PLXNA1: variants seen among roughly 807,000 people sequenced by gnomAD.
PLXNA1 encodes the protein plexin A1, also known as plexin-A1.
A neutral mutation model predicts 191.7 loss-of-function variants in PLXNA1; 77 were observed. The observed-to-expected ratio is 0.40, with a 90% CI of 0.33 to 0.49. The LOEUF (loss-of-function observed/expected upper bound fraction) is 0.49, where lower values mean the gene tolerates loss of function less well. PLXNA1 is among the 20% of genes least tolerant of loss of function. The pLI, the probability that PLXNA1 is intolerant of heterozygous loss-of-function variation, is 0.63. For missense variants in PLXNA1, 2,110 were observed against 2,660.2 expected, an observed-to-expected ratio of 0.79 and a Z score of 4.55; for synonymous variants, 1,137 against 1,156.4, an observed-to-expected ratio of 0.98 and a Z score of 0.34.
Position 127,034,237 on chromosome 3 carries a change from T to C in PLXNA1, c.*220T>C. Reference sequence around the variant, plus strand: ...CACCACAGCTGCGCACACAGCTGCTTGCTCAGGGGCCGGGACAGCACTGGG... The same window carrying C: ...CACCACAGCTGCGCACACAGCTGCTCGCTCAGGGGCCGGGACAGCACTGGG... On this transcript the variant is annotated 3_prime_UTR_variant, in exon 32 of 32. Coordinates refer to ENST00000393409, the MANE Select transcript of PLXNA1 (RefSeq NM_032242.4). The C allele has an allele frequency of 2.0e-6, 1 of 502,934 alleles. No individual in the cohort carries two copies. The highest frequency in any genetic ancestry group is 3.6e-6 in the Non-Finnish European group (1 of 280,956). 31.2% of individuals were successfully genotyped at this position (502,934 alleles called of 1,614,324 possible).
chr3:126,994,043 T>C (rs1166675281), intron 3 of PLXNA1, among the ~76,000 whole-genome samples: 3 of 152,196 alleles, frequency 2.0e-5, no homozygotes, highest in Admixed American at 6.5e-5. Flanking sequence ...GGCATGCTCG[T>C]GTGGCCTGGG....
chr3:127,003,829 T>C (rs2079052833), intron 4 of PLXNA1, among the ~76,000 whole-genome samples: 1 of 152,242 alleles, frequency 6.6e-6, no homozygotes, highest in Non-Finnish European at 1.5e-5. Flanking sequence ...GGGTGTGTAC[T>C]GGGCCACTGA....
intron 3 of PLXNA1, 116 bp from the exon 4 acceptor site, chr3:127,003,214 T>C: frequency 8.4e-7 from 1 of 1,185,942 alleles, no homozygotes; most frequent in Non-Finnish European, 1.1e-6. Flanking sequence ...TCCTCTCTGC[T>C]CATGCATGTC....
rs2079099056 is a variant in PLXNA1 at position 127,012,141 on chromosome 3, C to T, written c.2296C>T (p.Gln766Ter). 6.2e-7 allele frequency: 1 copy of T among 1,612,188 alleles called. No individual in the cohort carries two copies. The highest frequency in any genetic ancestry group is 8.5e-7 in the Non-Finnish European group (1 of 1,179,776). ...TALRFNSSSL[Q>*]CQNSSYSYEG... Reference sequence around the variant, plus strand: ...CCTGCGCTTCAACAGCTCCAGCCTGCAGTGCCAGAATTCCTCGGTGAGGTG... The same window carrying T: ...CCTGCGCTTCAACAGCTCCAGCCTGTAGTGCCAGAATTCCTCGGTGAGGTG... Residue 766 changes from glutamine (Q) to a stop codon, truncating the protein, a stop_gained, in exon 10 of 32, where the codon CAG (glutamine) becomes TAG (stop). Coordinates refer to ENST00000393409, the MANE Select transcript of PLXNA1 (RefSeq NM_032242.4). LOFTEE classifies it high-confidence loss of function.
At chr3:127,003,185 T>G in intron 3 of PLXNA1, 145 bp from the exon 4 acceptor site, 1 of 832,498 alleles carries the variant, frequency 1.2e-6, no homozygotes, top group South Asian at 2.9e-5. Context: ...ATGTGGAGAG[T>G]GAGTATGGCT....
rs1184372509 is a variant in PLXNA1 at position 126,991,580 on chromosome 3, G to C, written c.1377+14G>C. 1 of 1,547,442 alleles carries C rather than the reference G, an allele frequency of 6.5e-7. No individual in the cohort carries two copies. Among genetic ancestry groups the C allele is most frequent in the African/African-American group, 1.4e-5 (1 of 73,558 alleles). On this transcript the variant is annotated intron_variant, in intron 3 of 31. Coordinates refer to ENST00000393409, the MANE Select transcript of PLXNA1 (RefSeq NM_032242.4). ...CGCATCCGCAAGGTCAGGCCTGGGT[G>C]GGGTGGGGTGAGGAGGGGGCTTGGG...
intron 28 of PLXNA1, 45 bp from the exon 29 acceptor site, chr3:127,030,198 C>G (rs2079201493): frequency 6.2e-7 from 1 of 1,600,678 alleles, no homozygotes; most frequent in Non-Finnish European, 8.5e-7. Context: ...GTGTAGGCAG[C>G]CAGGCAGCGC....
In PLXNA1 at chr3:127,019,854, C is replaced by T. The variant is rs553944791; in HGVS notation, c.3896-348C>T. Among the ~76,000 whole-genome samples, 13 of 152,264 alleles carry T rather than the reference C, an allele frequency of 8.5e-5. 1 individual carries two copies. The South Asian group carries it at 2.5e-3, about 29-fold the overall frequency. ...GCAGCCCTGGGACCTCACCCCTGGC[C>T]GCACTCCACCACCTCACAGCGGGTG... On this transcript the variant is annotated intron_variant, in intron 20 of 31. Transcript: ENST00000393409.
At chr3:126,989,933 G>T in intron 2 of PLXNA1, 146 bp downstream of exon 2, 1 of 716,296 alleles carries the variant, frequency 1.4e-6, no homozygotes, top group South Asian at 1.8e-5. Flanking sequence ...GCTAGGTGGG[G>T]CTGCCCTTTT....
At chr3:126,984,321 C>G (rs967483050) in intron 1 of PLXNA1, among the ~76,000 whole-genome samples, 3 of 152,212 alleles carry the variant, frequency 2.0e-5, no homozygotes, top group Admixed American at 2.0e-4. Flanking sequence ...GGGACGTGGT[C>G]GAGCCTCTGT....
intron 3 of PLXNA1, among the ~76,000 whole-genome samples, chr3:127,000,471 C>G (rs530551002): frequency 6.6e-6 from 1 of 152,290 alleles, no homozygotes; most frequent in South Asian, 2.1e-4. Flanking sequence ...GCCACCCGCT[C>G]TGGCCCCAGG....
chr3:126,995,394 C>T (rs762976431), intron 3 of PLXNA1, among the ~76,000 whole-genome samples: 1 of 152,154 alleles, frequency 6.6e-6, no homozygotes, highest in Non-Finnish European at 1.5e-5. Context: ...CCCAAGTACC[C>T]CCATGGGAGG....
intron 9 of PLXNA1, 36 bp downstream of exon 9, chr3:127,007,949 A>G: frequency 6.9e-7 from 1 of 1,446,908 alleles, no homozygotes; most frequent in East Asian, 2.3e-5. Flanking sequence ...AGGTTTTCAG[A>G]GGTGGAGCAG....
At chr3:127,022,000 C>T in intron 21 of PLXNA1, 85 bp from the exon 22 acceptor site, 1 of 1,528,562 alleles carries the variant, frequency 6.5e-7, no homozygotes, top group Non-Finnish European at 8.8e-7. Flanking sequence ...GCCTCACCAG[C>T]CAGGCCTGGA....
At chr3:127,021,169 G>A (rs1051695100) in intron 21 of PLXNA1, among the ~76,000 whole-genome samples, 10 of 152,042 alleles carry the variant, frequency 6.6e-5, no homozygotes, top group Non-Finnish European at 1.3e-4. Flanking sequence ...AGACCTTCCC[G>A]CCTTGGGCCC....
chr3:126,991,462 C>T lies in PLXNA1; in HGVS notation c.1273C>T (p.Pro425Ser). 6.2e-6 allele frequency: 10 copies of T among 1,612,846 alleles called. No individual in the cohort carries two copies. Among genetic ancestry groups the T allele is most frequent in the Non-Finnish European group, 8.5e-6 (10 of 1,179,860 alleles). The stretch of plus-strand genomic sequence containing the variant: ...GGGCACAGTCACCATTGAGGGGACG[C>T]CCCTGTTCGTGGACAAGGATGATGG... ...LGGTVTIEGT[P>S]LFVDKDDGLT... The change falls in exon 3 of 32, where the codon CCC becomes TCC. Residue 425 changes from proline to serine, a missense_variant. Transcript: ENST00000393409.
chr3:127,003,216 A>G, intron 3 of PLXNA1, 114 bp from the exon 4 acceptor site: 6 of 1,212,304 alleles, frequency 4.9e-6, no homozygotes, highest in South Asian at 1.8e-5. Flanking sequence ...CTCTCTGCTC[A>G]TGCATGTCTG....
chr3:127,015,924 G>A lies in PLXNA1; in HGVS notation c.3015-593G>A, dbSNP rs546902020. ...GTCTCCTCACAGCCCCCTGGGATGC[G>A]GGGATAGGGCGAGGTATTCCCACTG... On this transcript the variant is annotated intron_variant, in intron 15 of 31. Coordinates refer to ENST00000393409, the MANE Select transcript of PLXNA1 (RefSeq NM_032242.4). Among the ~76,000 whole-genome samples, 150 of 152,146 alleles carry A rather than the reference G, an allele frequency of 9.9e-4. 2 individuals carry two copies. Among genetic ancestry groups the A allele is most frequent in the Admixed American group, 2.7e-3 (41 of 15,284 alleles).
Position 127,014,024 on chromosome 3 carries a change from C to T in PLXNA1, c.2318C>T (p.Ser773Phe). ...GACGGTGCCATCACCTAACAGTACTCCTACGAGGGGAACGATGTCAGCGAC... is the reference window on the plus strand; with the variant it reads ...GACGGTGCCATCACCTAACAGTACTTCTACGAGGGGAACGATGTCAGCGAC... Reference protein sequence around the residue: ...SSLQCQNSSYSYEGNDVSDLP... With the variant: ...SSLQCQNSSYFYEGNDVSDLP... The change falls in exon 11 of 32, where the codon TCC becomes TTC. Residue 773 changes from serine to phenylalanine, a missense_variant. Around this residue, in one of 4 missense-constraint regions of PLXNA1, gnomAD observed 644 missense variants for 714.3 expected, o/e 0.90. Coordinates refer to ENST00000393409, the MANE Select transcript of PLXNA1 (RefSeq NM_032242.4). The T allele has an allele frequency of 1.2e-6, 2 of 1,613,676 alleles. No individual in the cohort carries two copies. The highest frequency in any genetic ancestry group is 8.5e-7 in the Non-Finnish European group (1 of 1,179,872).
Sources: gnomAD v4.1 joint callset for allele counts (sites outside exome capture counted in the v4.1 genomes callset) on GRCh38, gnomAD v4.1.1 for gene constraint, gnomAD v4.1.1 regional missense constraint, MANE v1.5 for transcripts, NCBI Gene and HGNC (gene_info 2026-07-23, HGNC 2026-07-21) for gene names.